Variants in PLPPR5 observed in about 807,000 individuals in gnomAD.
PLPPR5 encodes phospholipid phosphatase-related protein type 5.
PLPPR5 carries 16 observed loss-of-function variants against 33.9 expected under a neutral mutation model. The observed-to-expected ratio is 0.47, with a 90% CI of 0.32 to 0.72. The LOEUF is 0.72. Ranked by LOEUF, PLPPR5 falls within the 30% of genes least tolerant of loss-of-function variation. PLPPR5 has a pLI of 0.03. For synonymous variants in PLPPR5, 163 were observed against 150.3 expected (o/e 1.08, Z -0.62); for missense variants, 301 against 406.7 (o/e 0.74, Z 2.23).
intron 5 of PLPPR5, among the ~76,000 whole-genome samples, chr1:98,896,797 T>C (rs1570676975): frequency 6.6e-6 from 1 of 152,092 alleles, no homozygotes; most frequent in Non-Finnish European, 1.5e-5. Context: ...ATCTCTATTT[T>C]ACTATTTATT....
intron 3 of PLPPR5, among the ~76,000 whole-genome samples, chr1:98,947,855 C>T (rs1413937531): frequency 6.6e-6 from 1 of 152,190 alleles, no homozygotes; most frequent in Non-Finnish European, 1.5e-5. Flanking sequence ...AGTGCATGCT[C>T]AGTAAATATT....
At chr1:98,959,015 T>C (rs1167104482) in intron 1 of PLPPR5, among the ~76,000 whole-genome samples, 2 of 152,142 alleles carry the variant, frequency 1.3e-5, no homozygotes, top group Non-Finnish European at 2.9e-5. Flanking sequence ...TACCCAATAA[T>C]TCTTATTTAA....
intron 1 of PLPPR5, among the ~76,000 whole-genome samples, chr1:98,966,789 C>G (rs1651465111): frequency 6.6e-6 from 1 of 152,270 alleles, no homozygotes; most frequent in East Asian, 1.9e-4. Context: ...ATCCCACCCA[C>G]TGGGTGGGAT....
intron 2 of PLPPR5, among the ~76,000 whole-genome samples, chr1:98,954,872 G>C (rs927312794): frequency 5.3e-5 from 8 of 152,050 alleles, no homozygotes; most frequent in Middle Eastern, 3.2e-3. Context: ...TTGAAATCTA[G>C]GCTGTTTGGT....
intron 3 of PLPPR5, among the ~76,000 whole-genome samples, chr1:98,928,801 A>G (rs935441195): frequency 3.0e-4 from 46 of 151,670 alleles, no homozygotes; most frequent in African/African-American, 1.1e-3. Context: ...GCATATTTTT[A>G]TCTACATTTA....
At chr1:98,962,601 A>G (rs1651287056) in intron 1 of PLPPR5, among the ~76,000 whole-genome samples, 1 of 152,086 alleles carries the variant, frequency 6.6e-6, no homozygotes, top group Non-Finnish European at 1.5e-5. Flanking sequence ...TCAAACTGTT[A>G]CTGTCAGATT....
At chr1:98,913,052 C>A (rs1649210616) in intron 5 of PLPPR5, among the ~76,000 whole-genome samples, 1 of 151,982 alleles carries the variant, frequency 6.6e-6, no homozygotes, top group South Asian at 2.1e-4. Flanking sequence ...TTCTTTCTAG[C>A]CATTATTTAT....
At chr1:98,906,874 A>G (rs1648919275) in intron 5 of PLPPR5, among the ~76,000 whole-genome samples, 1 of 152,154 alleles carries the variant, frequency 6.6e-6, no homozygotes, top group Admixed American at 6.6e-5. Flanking sequence ...CCCATTTATC[A>G]TCTTCTTCAG....
At chr1:98,970,992 A>C (rs1259694620) in intron 1 of PLPPR5, among the ~76,000 whole-genome samples, 2 of 152,118 alleles carry the variant, frequency 1.3e-5, no homozygotes, top group Non-Finnish European at 2.9e-5. Flanking sequence ...TAAAGCGTAA[A>C]AAATGCTTGA....
intron 1 of PLPPR5, among the ~76,000 whole-genome samples, chr1:98,970,397 C>T (rs1557688065): frequency 2.6e-5 from 4 of 152,044 alleles, no homozygotes. Context: ...ACTCTAACAG[C>T]TTGGAATGGG....
chr1:98,959,688 T>A (rs1281175449), intron 1 of PLPPR5, among the ~76,000 whole-genome samples: 2 of 152,198 alleles, frequency 1.3e-5, no homozygotes, highest in Non-Finnish European at 2.9e-5. Flanking sequence ...TATCTTGAAT[T>A]TGTCAGCTCG....
intron 4 of PLPPR5, among the ~76,000 whole-genome samples, chr1:98,919,428 T>G (rs1220614080): frequency 6.6e-6 from 1 of 152,158 alleles, no homozygotes; most frequent in Admixed American, 6.5e-5. Flanking sequence ...ACTTTAGAAT[T>G]CTGCACACAC....
At chr1:98,954,965 T>C (rs1434296409) in intron 2 of PLPPR5, among the ~76,000 whole-genome samples, 2 of 71,156 alleles carry the variant, frequency 2.8e-5, no homozygotes, top group Non-Finnish European at 4.7e-5. Context: ...AGTTCCCAAA[T>C]GTGTTTGGAA....
At chr1:98,906,265 T>C (rs1648897499) in intron 5 of PLPPR5, among the ~76,000 whole-genome samples, 1 of 151,036 alleles carries the variant, frequency 6.6e-6, no homozygotes, top group Non-Finnish European at 1.5e-5. Context: ...AGGTATATAG[T>C]ATTACCTAGT....
chr1:98,927,237 GA>G (rs2101169945), intron 3 of PLPPR5, among the ~76,000 whole-genome samples: 1 of 152,310 alleles, frequency 6.6e-6, no homozygotes, highest in African/African-American at 2.4e-5. Flanking sequence ...GGGATGGGAG[GA>G]ATTCTGAATA....
At chr1:98,976,768 CAT>C (rs1296999845) in intron 1 of PLPPR5, among the ~76,000 whole-genome samples, 1 of 151,922 alleles carries the variant, frequency 6.6e-6, no homozygotes, top group Non-Finnish European at 1.5e-5. Context: ...GAATATTTTG[CAT>C]ATATAGAGTT....
At chr1:98,896,217 G>A (rs2101130911) in intron 5 of PLPPR5, among the ~76,000 whole-genome samples, 1 of 152,138 alleles carries the variant, frequency 6.6e-6, no homozygotes. Flanking sequence ...TGTGCAGGAA[G>A]TTATTGTCTA....
At chr1:98,975,349 G>C (rs1441648296) in intron 1 of PLPPR5, among the ~76,000 whole-genome samples, 1 of 152,062 alleles carries the variant, frequency 6.6e-6, no homozygotes, top group East Asian at 1.9e-4. Context: ...ATTGGAACCA[G>C]AGGAAAACAG....
intron 2 of PLPPR5, among the ~76,000 whole-genome samples, chr1:98,955,108 A>G (rs1217143614): frequency 6.6e-6 from 1 of 152,074 alleles, no homozygotes; most frequent in Non-Finnish European, 1.5e-5. Context: ...CCTAAAGAAT[A>G]AAGTCACTAT....
Sources: allele counts gnomAD v4.1 joint callset (sites outside exome capture counted in the v4.1 genomes callset), GRCh38; gene constraint gnomAD v4.1.1; transcripts MANE v1.5; gene names NCBI Gene and HGNC (gene_info 2026-07-23, HGNC 2026-07-21).